Variants in TEX9 observed in about 807,000 individuals in gnomAD.
TEX9 encodes the protein testis expressed 9, also known as testis-expressed protein 9.
A neutral mutation model predicts 59.6 loss-of-function variants in TEX9; 74 were observed. The observed-to-expected ratio is 1.24, with a 90% CI of 1.03 to 1.51. The LOEUF is 1.51. Ranked by LOEUF, TEX9 falls within the 40% of genes most tolerant of loss-of-function variation. The pLI is 0.00. For missense variants in TEX9, 522 were observed against 447.8 expected (o/e 1.17, Z -1.49); for synonymous variants, 186 against 152.2 (o/e 1.22, Z -1.64).
chr15:56,347,953 A>C (rs898513170), intron 1 of TEX9, among the ~76,000 whole-genome samples: 1 of 152,026 alleles, frequency 6.6e-6, no homozygotes, highest in Non-Finnish European at 1.5e-5. Flanking sequence ...TGGGCAAAAA[A>C]CTTTAAGAGA....
At chr15:56,280,070 A>T (rs1303637631) in intron 1 of TEX9, among the ~76,000 whole-genome samples, 2 of 152,358 alleles carry the variant, frequency 1.3e-5, no homozygotes, top group South Asian at 4.1e-4. Context: ...TTGCCCAAAC[A>T]TAGGATAATG....
intron 12 of TEX9, chr15:56,428,923 AGCTTGATTAAAATTAATTT>A (rs1237512863): frequency 1.9e-6 from 1 of 538,876 alleles, no homozygotes; most frequent in African/African-American, 2.0e-5. Context: ...CAAAAATAAC[AGCTTGATTAAAATTAATTT>A]GTATCTGATA....
At chr15:56,460,010 ATACATAT>A in the TEX9 span, among the ~76,000 whole-genome samples, 1 of 27,456 alleles carries the variant, frequency 3.6e-5, no homozygotes, top group Non-Finnish European at 7.2e-5. Flanking sequence ...AAAAAAAAAA[ATACATAT>A]ATATATATAT....
At chr15:56,442,639 T>C (rs1257445425) in intron 12 of TEX9, among the ~76,000 whole-genome samples, 1 of 152,182 alleles carries the variant, frequency 6.6e-6, no homozygotes, top group Non-Finnish European at 1.5e-5. Context: ...AATGCAGGGA[T>C]AGAAAACCAA....
rs184270054 is a variant in TEX9, at chr15:56,258,334, G to A, written c.-107+14056G>A. ...TTTCTAGTTCTGTGAAGAAGTCGAT[G>A]GTAGTTTAATGGGAGTAGCGTAGAA... On this transcript the variant is annotated intron_variant, in intron 1 of 5. Coordinates refer to the TEX9 transcript ENST00000560827. 2.1e-4 allele frequency among the ~76,000 whole-genome samples: 32 copies of A among 152,222 alleles called. No individual in the cohort carries two copies. In the East Asian group the frequency reaches 6.0e-3, roughly 28 times the overall value.
intron 1 of TEX9, among the ~76,000 whole-genome samples, chr15:56,320,193 A>G (rs112295773): frequency 1.3e-5 from 2 of 152,230 alleles, no homozygotes; most frequent in East Asian, 3.8e-4. Flanking sequence ...CAATGGAATT[A>G]TTCTCTAAAA....
chr15:56,384,071 ATGTACAT>A, intron 4 of TEX9, 40 bp downstream of exon 4: 1 of 1,463,000 alleles, frequency 6.8e-7, no homozygotes, highest in Non-Finnish European at 9.4e-7. Context: ...TTTTAAAAGG[ATGTACAT>A]GGATCGTTAT....
At chr15:56,314,769 T>C (rs2045712975) in intron 1 of TEX9, among the ~76,000 whole-genome samples, 1 of 151,886 alleles carries the variant, frequency 6.6e-6, no homozygotes, top group Non-Finnish European at 1.5e-5. Context: ...CTCCCATTAT[T>C]ATTGTGTGGG....
At chr15:56,439,227 T>C (rs959726620) in intron 12 of TEX9, among the ~76,000 whole-genome samples, 10 of 152,108 alleles carry the variant, frequency 6.6e-5, no homozygotes, top group Non-Finnish European at 1.5e-4. Context: ...ACGTACAGGA[T>C]TTGTATGCTG....
intron 1 of TEX9, among the ~76,000 whole-genome samples, chr15:56,267,356 A>C (rs1024387069): frequency 3.8e-4 from 58 of 151,814 alleles, no homozygotes; most frequent in African/African-American, 1.4e-3. Context: ...TCTATTTTGG[A>C]TTTTCTTGCC....
chr15:56,278,740 A>G (rs2044742039), intron 1 of TEX9, among the ~76,000 whole-genome samples: 1 of 151,982 alleles, frequency 6.6e-6, no homozygotes, highest in Non-Finnish European at 1.5e-5. Flanking sequence ...AAAGTTTCTC[A>G]TAGGTTTTGG....
At chr15:56,271,241 G>A (rs1223361965) in intron 1 of TEX9, among the ~76,000 whole-genome samples, 1 of 152,028 alleles carries the variant, frequency 6.6e-6, no homozygotes, top group African/African-American at 2.4e-5. Flanking sequence ...TTCGAGCTTG[G>A]TTCCATTCTC....
chr15:56,439,766 C>CA (rs1330892182), intron 12 of TEX9, among the ~76,000 whole-genome samples: 5 of 147,172 alleles, frequency 3.4e-5, no homozygotes, highest in African/African-American at 7.5e-5. Flanking sequence ...AAAAAAAACC[C>CA]AAAAAAACAA....
At chr15:56,358,803 C>T (rs1197383573) in intron 1 of TEX9, among the ~76,000 whole-genome samples, 3 of 152,066 alleles carry the variant, frequency 2.0e-5, no homozygotes, top group African/African-American at 7.2e-5. Flanking sequence ...TGGTGTCCCC[C>T]ATGCTGTTCT....
chr15:56,372,378 A>G (rs901900487), intron 2 of TEX9, among the ~76,000 whole-genome samples: 1 of 152,078 alleles, frequency 6.6e-6, no homozygotes, highest in Non-Finnish European at 1.5e-5. Flanking sequence ...TCCCATGTCT[A>G]AGAAAAACAA....
At chr15:56,367,472 T>TA (rs2046996312) in intron 2 of TEX9, among the ~76,000 whole-genome samples, 1 of 152,166 alleles carries the variant, frequency 6.6e-6, no homozygotes, top group Admixed American at 6.5e-5. Context: ...TTGGAGGAAA[T>TA]AATCACTGTC....
intron 1 of TEX9, among the ~76,000 whole-genome samples, chr15:56,317,681 C>G (rs563209363): frequency 6.6e-6 from 1 of 152,174 alleles, no homozygotes; most frequent in South Asian, 2.1e-4. Flanking sequence ...TTTCTAAGTA[C>G]AGCTTAATTG....
intron 9 of TEX9, among the ~76,000 whole-genome samples, chr15:56,409,302 C>A (rs2414476): frequency 1 from 152,160 of 152,310 alleles, 76,005 homozygotes; most frequent in Non-Finnish European, 1. Flanking sequence ...ATCCAAATTT[C>A]TAAGTAAAGC....
At chr15:56,297,632 A>G (rs2045247942) in intron 1 of TEX9, among the ~76,000 whole-genome samples, 1 of 152,080 alleles carries the variant, frequency 6.6e-6, no homozygotes, top group Non-Finnish European at 1.5e-5. Context: ...AGCCTCCTGA[A>G]TAGCTGGGAT....
Sources: allele counts gnomAD v4.1 joint callset (sites outside exome capture counted in the v4.1 genomes callset), GRCh38; gene constraint gnomAD v4.1.1; transcripts MANE v1.5; gene names NCBI Gene and HGNC (gene_info 2026-07-23, HGNC 2026-07-21).